The following PAK5 variants were observed in gnomAD, a reference collection of about 807,000 sequenced individuals.
PAK5 encodes serine/threonine-protein kinase PAK 5.
PAK5 carries 16 observed loss-of-function variants against 65.9 expected under a neutral mutation model. The observed-to-expected ratio is 0.24, with a 90% confidence interval of 0.16 to 0.37. PAK5 has a LOEUF of 0.37. Among genes scored for constraint, PAK5 ranks in the 10% least tolerant of loss-of-function variants. The pLI, the probability that PAK5 is intolerant of heterozygous loss-of-function variation, is 1.00. For synonymous variants in PAK5, 371 were observed against 354.9 expected (o/e 1.05, Z -0.51); for missense variants, 785 against 903.9 (o/e 0.87, Z 1.69).
chr20:9,630,487 A>G (rs2046907415), intron 3 of PAK5, among the ~76,000 whole-genome samples: 1 of 152,236 alleles, frequency 6.6e-6, no homozygotes, highest in African/African-American at 2.4e-5. Flanking sequence ...TGGATGTGGC[A>G]TCACCTAATG....
chr20:9,657,153 C>T (rs1177913470), intron 2 of PAK5, among the ~76,000 whole-genome samples: 2 of 152,164 alleles, frequency 1.3e-5, no homozygotes, highest in African/African-American at 4.8e-5. Context: ...CTCACTACCC[C>T]CACAATTGCT....
intron 1 of PAK5, among the ~76,000 whole-genome samples, chr20:9,736,924 T>C (rs781092708): frequency 1.3e-5 from 2 of 151,970 alleles, no homozygotes; most frequent in Non-Finnish European, 2.9e-5. Context: ...GGGGAAAATA[T>C]ATGAACAGAG....
rs1157807554 is a variant in PAK5 at position 9,708,763 on chromosome 20, C to G, written c.-12+2523G>C. 2.0e-5 allele frequency among the ~76,000 whole-genome samples: 3 copies of G among 152,172 alleles called. No individual in the cohort carries two copies. The East Asian group carries it at 5.8e-4, about 29-fold the overall frequency. ...CACTCCACACCTCCACCTAAGGGAG[C>G]AGCCCTTAGTCGAGACATATGGGAG... is the stretch of plus-strand genomic sequence containing the variant. On this transcript the variant is annotated intron_variant, in intron 2 of 9. Transcript: ENST00000353224.
At chr20:9,792,958 CTA>C (rs1194899040) in intron 1 of PAK5, among the ~76,000 whole-genome samples, 1 of 152,104 alleles carries the variant, frequency 6.6e-6, no homozygotes, top group African/African-American at 2.4e-5. Flanking sequence ...AGAAAAGGGA[CTA>C]AGTCAAGTTC....
At chr20:9,551,163 A>G (rs1473742800) in intron 7 of PAK5, among the ~76,000 whole-genome samples, 1 of 152,210 alleles carries the variant, frequency 6.6e-6, no homozygotes, top group Non-Finnish European at 1.5e-5. Flanking sequence ...CATTTGTCCA[A>G]ATAAATCTGC....
chr20:9,687,717 C>T (rs950848390), intron 2 of PAK5, among the ~76,000 whole-genome samples: 8 of 152,160 alleles, frequency 5.3e-5, no homozygotes, highest in Admixed American at 2.6e-4. Flanking sequence ...ATTCAATTAA[C>T]ATTTATTCTG....
At chr20:9,719,345 G>C (rs750018722) in intron 1 of PAK5, among the ~76,000 whole-genome samples, 1 of 152,162 alleles carries the variant, frequency 6.6e-6, no homozygotes, top group Non-Finnish European at 1.5e-5. Context: ...TCCAAATACA[G>C]ATTGAGCACT....
At chr20:9,819,973 C>T (rs1311565708) in intron 1 of PAK5, among the ~76,000 whole-genome samples, 2 of 152,122 alleles carry the variant, frequency 1.3e-5, no homozygotes, top group African/African-American at 4.8e-5. Context: ...GAAAACTATA[C>T]AGAAACACTC....
chr20:9,634,747 A>G (rs114721555), intron 3 of PAK5, among the ~76,000 whole-genome samples: 244 of 152,294 alleles, frequency 1.6e-3, no homozygotes, highest in African/African-American at 5.7e-3. Context: ...CCTTGCCCAC[A>G]TCTCCTGAAT....
At chr20:9,743,334 C>T (rs2048469823) in intron 1 of PAK5, among the ~76,000 whole-genome samples, 1 of 151,774 alleles carries the variant, frequency 6.6e-6, no homozygotes, top group African/African-American at 2.4e-5. Context: ...TGTGCCACTG[C>T]ACTCCAGCAT....
At chr20:9,793,609 C>T (rs2049073299) in intron 1 of PAK5, among the ~76,000 whole-genome samples, 1 of 151,856 alleles carries the variant, frequency 6.6e-6, no homozygotes, top group South Asian at 2.1e-4. Context: ...TAGATAAATG[C>T]AAATCAAAAT....
intron 1 of PAK5, among the ~76,000 whole-genome samples, chr20:9,836,894 G>T (rs570534076): frequency 3.0e-4 from 45 of 152,252 alleles, no homozygotes; most frequent in African/African-American, 1.1e-3. Flanking sequence ...TGAGGCTTAG[G>T]AAAGTTAAAT....
At chr20:9,827,673 G>A (rs1287309107) in intron 1 of PAK5, among the ~76,000 whole-genome samples, 1 of 152,160 alleles carries the variant, frequency 6.6e-6, no homozygotes, top group Non-Finnish European at 1.5e-5. Flanking sequence ...TTCAATGAAG[G>A]TGTGATACTC....
intron 9 of PAK5, among the ~76,000 whole-genome samples, chr20:9,541,431 A>G (rs950656696): frequency 1.3e-5 from 2 of 152,184 alleles, no homozygotes; most frequent in South Asian, 2.1e-4. Flanking sequence ...GGTCTCTTAC[A>G]TGCATTATAT....
intron 3 of PAK5, among the ~76,000 whole-genome samples, chr20:9,640,023 G>A (rs2047031058): frequency 1.3e-5 from 2 of 152,182 alleles, no homozygotes; most frequent in Admixed American, 6.5e-5. Context: ...CTAACAAGAC[G>A]GCACATGTCC....
intron 3 of PAK5, among the ~76,000 whole-genome samples, chr20:9,605,247 C>T (rs904452406): frequency 6.6e-6 from 1 of 152,178 alleles, no homozygotes; most frequent in African/African-American, 2.4e-5. Flanking sequence ...CATTGCCTGG[C>T]ATTTCTGGGC....
intron 1 of PAK5, among the ~76,000 whole-genome samples, chr20:9,826,443 A>G (rs1600416573): frequency 6.6e-6 from 1 of 152,306 alleles, no homozygotes; most frequent in East Asian, 1.9e-4. Flanking sequence ...GATTCTTTCG[A>G]CCAGTGTAGA....
At chr20:9,796,058 C>T (rs2123725887) in intron 1 of PAK5, among the ~76,000 whole-genome samples, 1 of 152,086 alleles carries the variant, frequency 6.6e-6, no homozygotes, top group Admixed American at 6.6e-5. Flanking sequence ...CAGGAATGCT[C>T]TAATAAATAT....
intron 1 of PAK5, among the ~76,000 whole-genome samples, chr20:9,790,903 T>C (rs896674302): frequency 3.9e-5 from 6 of 152,092 alleles, no homozygotes; most frequent in Non-Finnish European, 5.9e-5. Flanking sequence ...ACTCTTGTAA[T>C]GAGATCTGGT....
Sources: allele counts gnomAD v4.1 joint callset (sites outside exome capture counted in the v4.1 genomes callset), GRCh38; gene constraint gnomAD v4.1.1; transcripts MANE v1.5; gene names NCBI Gene and HGNC (gene_info 2026-07-23, HGNC 2026-07-21).